The following SLC26A5 variants were observed in gnomAD, a reference collection of about 807,000 sequenced individuals.
The protein encoded by SLC26A5 is prestin.
In SLC26A5, 51 loss-of-function variants were observed where a neutral mutation model predicts 81.0. That is an observed-to-expected ratio of 0.63 (90% confidence interval 0.50 to 0.80). The LOEUF is 0.80. Ranked by LOEUF, SLC26A5 falls within the 30% of genes least tolerant of loss-of-function variation. The pLI, the probability that SLC26A5 is intolerant of heterozygous loss-of-function variation, is 0.00. For missense variants in SLC26A5, 771 were observed against 905.8 expected (o/e 0.85, Z 1.91); for synonymous variants, 325 against 332.8 (o/e 0.98, Z 0.25).
chr7:103,388,925 C>A (rs1822420939), intron 14 of SLC26A5, 83 bp downstream of exon 14: 1 of 983,822 alleles, frequency 1.0e-6, no homozygotes, highest in Non-Finnish European at 1.6e-6. Flanking sequence ...CCACTTCTAC[C>A]AACTTAAACT....
chr7:103,379,603 G>T (rs1157943732), intron 15 of SLC26A5, among the ~76,000 whole-genome samples: 1 of 151,878 alleles, frequency 6.6e-6, no homozygotes, highest in Non-Finnish European at 1.5e-5. Context: ...TGTTTTAAAA[G>T]TCAGTCTTCG....
chr7:103,440,464 A>G (rs1826797190), intron 2 of SLC26A5, among the ~76,000 whole-genome samples: 1 of 152,234 alleles, frequency 6.6e-6, no homozygotes, highest in Admixed American at 6.5e-5. Context: ...ATAAACACAT[A>G]AATGGGCCAT....
intron 4 of SLC26A5, among the ~76,000 whole-genome samples, chr7:103,417,242 C>A (rs1332316642): frequency 6.6e-6 from 1 of 151,742 alleles, no homozygotes; most frequent in African/African-American, 2.4e-5. Flanking sequence ...TGGTGGCACG[C>A]ACCTGTAGTC....
At chr7:103,397,822 A>C (rs1419210794) in intron 9 of SLC26A5, 110 bp downstream of exon 9, 1 of 817,046 alleles carries the variant, frequency 1.2e-6, no homozygotes, top group Non-Finnish European at 2.1e-6. Context: ...CAGCTATTTG[A>C]TGTATAGAAA....
chr7:103,354,983 A>C (rs747795185), intron 19 of SLC26A5: 1 of 1,341,060 alleles, frequency 7.5e-7, no homozygotes, highest in East Asian at 2.3e-5. Flanking sequence ...TCCTTCCTTT[A>C]AATGTAATGT....
chr7:103,388,863 T>C, intron 14 of SLC26A5, 145 bp downstream of exon 14: 1 of 684,656 alleles, frequency 1.5e-6, no homozygotes, highest in Non-Finnish European at 2.7e-6. Flanking sequence ...GTCAACAGGC[T>C]ACATGAGTGT....
intron 11 of SLC26A5, among the ~76,000 whole-genome samples, chr7:103,391,264 A>G (rs1822628994): frequency 6.6e-6 from 1 of 152,256 alleles, no homozygotes; most frequent in Non-Finnish European, 1.5e-5. Context: ...CATATTGGAC[A>G]GTGCAGATAT....
At chr7:103,366,063 T>C in intron 19 of SLC26A5, 6 of 1,592,090 alleles carry the variant, frequency 3.8e-6, no homozygotes, top group Non-Finnish European at 5.1e-6. Flanking sequence ...TAATAAATCA[T>C]TTTTCTCATT....
At chr7:103,435,984 T>A (rs1227805161) in intron 2 of SLC26A5, among the ~76,000 whole-genome samples, 2 of 152,152 alleles carry the variant, frequency 1.3e-5, no homozygotes, top group Admixed American at 6.5e-5. Context: ...ACGCTAAAAT[T>A]TATAAAACAC....
chr7:103,414,182 G>GCC (rs1180825970), intron 4 of SLC26A5, among the ~76,000 whole-genome samples: 109 of 116,560 alleles, frequency 9.4e-4, no homozygotes, highest in African/African-American at 3.5e-3. Flanking sequence ...TTGAAGTTTT[G>GCC]CCCCCCCCTT....
intron 14 of SLC26A5, among the ~76,000 whole-genome samples, chr7:103,387,433 T>C (rs1822282950): frequency 6.6e-6 from 1 of 152,196 alleles, no homozygotes; most frequent in Non-Finnish European, 1.5e-5. Flanking sequence ...CCACACTAGC[T>C]TCATTTTCAT....
intron 16 of SLC26A5, among the ~76,000 whole-genome samples, chr7:103,378,839 ACT>A (rs890294923): frequency 3.3e-5 from 5 of 152,094 alleles, no homozygotes; most frequent in Non-Finnish European, 7.4e-5. Context: ...TATTTAAGAG[ACT>A]CTGTGGGTTG....
chr7:103,388,919 T>C (rs1291726851), intron 14 of SLC26A5, 89 bp downstream of exon 14: 3 of 921,094 alleles, frequency 3.3e-6, no homozygotes, highest in African/African-American at 3.3e-5. Flanking sequence ...AGGGCTCCAC[T>C]TCTACCAACT....
At chr7:103,369,128 T>G (rs1403771986) in intron 19 of SLC26A5, 1 of 152,224 alleles carries the variant, frequency 6.6e-6, no homozygotes, top group Middle Eastern at 3.2e-3. Context: ...AAAATGCTGC[T>G]TTGCACTGAA....
At chr7:103,435,263 G>A (rs867978324) in intron 2 of SLC26A5, among the ~76,000 whole-genome samples, 3 of 152,084 alleles carry the variant, frequency 2.0e-5, no homozygotes, top group Admixed American at 2.0e-4. Context: ...TAAAAAAGGC[G>A]ATTTTCTTTT....
At position 103,411,473 on chromosome 7, in the gene SLC26A5, C is replaced by T. The variant is rs764088354; in HGVS notation, c.517G>A (p.Ala173Thr). ...GACATGGCGACTTTCACTCTCAAGG[C>T]ATCTCTGGCCTCTGTGCCATTGGTT... ...NATNGTEARDALRVKVAMSVT... is the reference protein window; with the variant it reads ...NATNGTEARDTLRVKVAMSVT... The change falls in exon 6 of 20, where the codon GCC becomes ACC. Residue 173 changes from alanine (A) to threonine (T), a missense_variant. By Grantham distance (58) the Ala-to-Thr change is moderately conservative. Transcript: ENST00000306312. The T allele has an allele frequency of 3.2e-5, 51 of 1,614,096 alleles. No homozygotes were observed. In the Admixed American group the frequency reaches 6.5e-4, roughly 21 times the overall value.
chr7:103,423,448 A>T (rs1825503675), intron 2 of SLC26A5, among the ~76,000 whole-genome samples: 1 of 152,216 alleles, frequency 6.6e-6, no homozygotes. Context: ...TTATGGTTTG[A>T]CTGTTTTTGT....
At chr7:103,406,598 G>A (rs919708422) in intron 8 of SLC26A5, among the ~76,000 whole-genome samples, 4 of 115,598 alleles carry the variant, frequency 3.5e-5, no homozygotes, top group African/African-American at 1.3e-4. Context: ...ATCTCGAAGG[G>A]AGCTGCAGAC....
chr7:103,367,706 T>C lies in SLC26A5; in HGVS notation c.2041+9102A>G, dbSNP rs1451110667. On this transcript the variant is annotated intron_variant, in intron 19 of 19. Coordinates refer to the SLC26A5 transcript ENST00000339444. This position sits in a 1 kb window ranked among gnomAD's most constrained non-coding sequence, Gnocchi z 6.1. ...ATTTTAATATTTGTCAATTTTCTCATTTTTAGGGTCGGACCCACATATTTA... is the reference window on the plus strand; with the variant it reads ...ATTTTAATATTTGTCAATTTTCTCACTTTTAGGGTCGGACCCACATATTTA... 6.2e-7 allele frequency: 1 copy of C among 1,609,912 alleles called. No individual in the cohort carries two copies. The highest frequency in any genetic ancestry group is 1.7e-4 in the Middle Eastern group (1 of 6,054).
Sources: gnomAD v4.1 joint callset for allele counts (sites outside exome capture counted in the v4.1 genomes callset) on GRCh38, gnomAD v4.1.1 for gene constraint, Gnocchi (gnomAD v3.1) non-coding constraint, MANE v1.5 for transcripts, NCBI Gene and HGNC (gene_info 2026-07-23, HGNC 2026-07-21) for gene names.